The following STS variants were observed in gnomAD, a reference collection of about 807,000 sequenced individuals.
STS encodes the protein steryl-sulfatase.
In STS, 7 loss-of-function variants were observed where a neutral mutation model predicts 26.8. The observed-to-expected ratio is 0.26, with a 90% CI of 0.15 to 0.49. The LOEUF (loss-of-function observed/expected upper bound fraction) is 0.49. Ranked by LOEUF, STS falls within the 20% of genes least tolerant of loss-of-function variation. STS has a pLI of 0.98. For synonymous variants in STS, 199 were observed against 189.4 expected (o/e 1.05, Z -0.42); for missense variants, 434 against 465.6 (o/e 0.93, Z 0.63).
intron 10 of STS, among the ~76,000 whole-genome samples, chrX:7,340,549 A>C (rs1263793336): frequency 8.9e-6 from 1 of 112,211 alleles, no homozygotes; most frequent in Non-Finnish European, 1.9e-5. Context: ...GTAAACACTG[A>C]TGTTTGTTGC....
chrX:7,228,239 C>G (rs1044929144), intron 2 of STS, among the ~76,000 whole-genome samples: 6 of 111,482 alleles, frequency 5.4e-5, no homozygotes, highest in African/African-American at 1.6e-4. Context: ...GGGTATATTT[C>G]CAGGAGTGGG....
chrX:7,280,648 T>C (rs1185019550), intron 7 of STS, among the ~76,000 whole-genome samples: 5 of 111,855 alleles, frequency 4.5e-5, no homozygotes, highest in Non-Finnish European at 5.6e-5. Flanking sequence ...GAAGGATGGA[T>C]GTAGTTCTCA....
intron 2 of STS, among the ~76,000 whole-genome samples, chrX:7,213,293 G>A (rs1277575977): frequency 4.5e-5 from 5 of 111,861 alleles, no homozygotes; most frequent in African/African-American, 1.3e-4. Context: ...TGCTCAAATA[G>A]GATTTTAACA....
rs185583021 is a variant in STS at position 7,182,150 on chromosome X, C to A, written c.-133-8730C>A. On this transcript the variant is annotated intron_variant, in intron 1 of 10. Transcript: ENST00000674429. ...TCATACCTTCATTCTGTTTTCCAAG[C>A]ATCCCGCGATATTGGCTTTATCTAT... is the stretch of plus-strand genomic sequence containing the variant. Among the ~76,000 whole-genome samples the A allele has an allele frequency of 3.0e-3, 335 of 111,852 alleles. 1 individual carries two copies. The highest frequency in any genetic ancestry group is 5.4e-3 in the Non-Finnish European group (288 of 53,215).
intron 1 of STS, among the ~76,000 whole-genome samples, chrX:7,158,351 A>C (rs1484099178): frequency 9.0e-6 from 1 of 111,686 alleles, no homozygotes; most frequent in Non-Finnish European, 1.9e-5. Flanking sequence ...GCCCCACAAA[A>C]TCTGCTGGGA....
At chrX:7,230,395 C>T (rs1055509199) in intron 2 of STS, among the ~76,000 whole-genome samples, 2 of 111,001 alleles carry the variant, frequency 1.8e-5, no homozygotes, top group African/African-American at 3.3e-5. Context: ...ATGTTCATAG[C>T]GGCATTATTC....
intron 8 of STS, among the ~76,000 whole-genome samples, chrX:7,314,017 G>A (rs1926597187): frequency 9.0e-6 from 1 of 111,339 alleles, no homozygotes; most frequent in Non-Finnish European, 1.9e-5. Context: ...GTAGGCAGGT[G>A]TGAAATACTT....
rs143359319 is a variant in STS, at chrX:7,334,396, G to A, written c.1363+289G>A. Among the ~76,000 whole-genome samples the A allele has an allele frequency of 0.031, 3,476 of 111,348 alleles. 121 individuals carry two copies. Among genetic ancestry groups the A allele is most frequent in the African/African-American group, 0.11 (3,256 of 30,534 alleles). On this transcript the variant is annotated intron_variant, in intron 10 of 10. Coordinates refer to ENST00000674429, the MANE Select transcript of STS (RefSeq NM_001320752.2). ...GAAAGCTCCCTGTTCTCAACAGGGCGCTGTGGCCGGTTGCTTTATTGCATG... is the reference window on the plus strand; with the variant it reads ...GAAAGCTCCCTGTTCTCAACAGGGCACTGTGGCCGGTTGCTTTATTGCATG...
At chrX:7,268,733 C>T (rs1482936715) in intron 6 of STS, among the ~76,000 whole-genome samples, 2 of 111,600 alleles carry the variant, frequency 1.8e-5, no homozygotes, top group East Asian at 2.8e-4. Context: ...ATGAGGGCAA[C>T]GGGCACAGTG....
chrX:7,255,058 TTAAA>T (rs1263172485), intron 3 of STS, among the ~76,000 whole-genome samples: 1 of 112,335 alleles, frequency 8.9e-6, no homozygotes, highest in Non-Finnish European at 1.9e-5. Flanking sequence ...CAAACAAAAA[TTAAA>T]TAGATTATGA....
chrX:7,253,065 C>T, intron 2 of STS, 131 bp from the exon 3 acceptor site: 2 of 717,624 alleles, frequency 2.8e-6, no homozygotes, highest in South Asian at 2.5e-5. Flanking sequence ...ACAGGAGGAT[C>T]GCTTAAACCC....
intron 2 of STS, among the ~76,000 whole-genome samples, chrX:7,206,502 G>A (rs937378448): frequency 4.5e-5 from 5 of 110,668 alleles, no homozygotes; most frequent in South Asian, 3.7e-4. Context: ...TTCTTTGATC[G>A]CTGTCCATAT....
At chrX:7,298,888 T>TTA (rs1460882655) in intron 7 of STS, among the ~76,000 whole-genome samples, 1 of 106,502 alleles carries the variant, frequency 9.4e-6, no homozygotes, top group African/African-American at 3.4e-5. Flanking sequence ...GCTTTCTTAA[T>TTA]TATTAACAGT....
intron 2 of STS, among the ~76,000 whole-genome samples, chrX:7,222,225 C>G (rs1197738381): frequency 1.8e-5 from 2 of 111,935 alleles, no homozygotes; most frequent in Non-Finnish European, 3.8e-5. Flanking sequence ...CTTCGTCTAT[C>G]GTACTTTGGC....
intron 7 of STS, among the ~76,000 whole-genome samples, chrX:7,283,916 C>T (rs1924999351): frequency 9.0e-6 from 1 of 110,977 alleles, no homozygotes. Context: ...AGGTGCATGG[C>T]ATGCCTGCTG....
intron 8 of STS, among the ~76,000 whole-genome samples, chrX:7,311,590 G>C (rs767470081): frequency 1.2e-4 from 14 of 112,341 alleles, no homozygotes; most frequent in African/African-American, 3.5e-4. Context: ...GCTCACACCT[G>C]TAATCCCAGC....
At chrX:7,169,961 C>T (rs767975877) in intron 1 of STS, among the ~76,000 whole-genome samples, 27 of 110,699 alleles carry the variant, frequency 2.4e-4, no homozygotes, top group Non-Finnish European at 4.3e-4. Context: ...ACTTAGTGCT[C>T]AAGCATATAA....
intron 7 of STS, among the ~76,000 whole-genome samples, chrX:7,288,649 T>C (rs1213446043): frequency 2.0e-5 from 2 of 97,856 alleles, no homozygotes; most frequent in African/African-American, 9.3e-5. Flanking sequence ...CGTGTGTGTG[T>C]GTGTGTGTGT....
intron 2 of STS, among the ~76,000 whole-genome samples, chrX:7,209,500 T>A (rs1290221926): frequency 9.5e-6 from 1 of 105,495 alleles, no homozygotes; most frequent in Non-Finnish European, 1.9e-5. Context: ...TTAAAATATA[T>A]GATTAAAAAT....
Sources: allele counts gnomAD v4.1 joint callset (sites outside exome capture counted in the v4.1 genomes callset), GRCh38; gene constraint gnomAD v4.1.1; transcripts MANE v1.5; gene names NCBI Gene and HGNC (gene_info 2026-07-23, HGNC 2026-07-21).